The following FGF1 variants were observed in gnomAD, a reference collection of about 807,000 sequenced individuals.
FGF1 encodes the protein fibroblast growth factor 1.
A neutral mutation model predicts 13.4 loss-of-function variants in FGF1; 9 were observed. The observed-to-expected ratio is 0.67, with a 90% CI of 0.40 to 1.17. FGF1 has a LOEUF of 1.17. FGF1 is among the 50% of genes most tolerant of loss of function. FGF1 has a pLI of 0.01. For missense variants in FGF1, 156 were observed against 192.7 expected (o/e 0.81, Z 1.13); for synonymous variants, 93 against 79.0 (o/e 1.18, Z -0.94).
At chr5:142,681,433 A>G (rs1303584104) in intron 1 of FGF1, among the ~76,000 whole-genome samples, 2 of 152,146 alleles carry the variant, frequency 1.3e-5, no homozygotes, top group East Asian at 3.9e-4. Flanking sequence ...CTACCTGGTC[A>G]GAAAAACCTT....
chr5:142,619,588 C>T (rs747764544), intron 1 of FGF1, among the ~76,000 whole-genome samples: 6 of 152,046 alleles, frequency 3.9e-5, no homozygotes, highest in East Asian at 1.9e-4. Context: ...AACTGGTAGG[C>T]GTAAGGGGGA....
At chr5:142,622,968 A>G (rs1206968971) in intron 1 of FGF1, among the ~76,000 whole-genome samples, 1 of 152,266 alleles carries the variant, frequency 6.6e-6, no homozygotes, top group East Asian at 1.9e-4. Flanking sequence ...TGCAGGAGAC[A>G]GCTCCCAGAA....
chr5:142,686,473 A>C (rs1234734566), upstream of FGF1: 2 of 152,140 alleles, frequency 1.3e-5, no homozygotes, highest in African/African-American at 4.8e-5. Flanking sequence ...CTTGGGGCAA[A>C]TGTGTGAGCC....
intron 1 of FGF1, among the ~76,000 whole-genome samples, chr5:142,623,137 C>A (rs1012972018): frequency 6.6e-6 from 1 of 152,152 alleles, no homozygotes; most frequent in African/African-American, 2.4e-5. Flanking sequence ...AGCTGGTTTA[C>A]CCAGCATACT....
intron 1 of FGF1, among the ~76,000 whole-genome samples, chr5:142,656,954 G>C (rs1018527304): frequency 1.3e-5 from 2 of 151,624 alleles, no homozygotes; most frequent in Non-Finnish European, 2.9e-5. Flanking sequence ...TTTCGCTTTT[G>C]TTGCCCAGGC....
In FGF1 at chr5:142,608,497, A is replaced by AATAT. The variant is rs140055415; in HGVS notation, c.169+5458_169+5461dup. On this transcript the variant is annotated intron_variant, in intron 2 of 3. Transcript: ENST00000337706. Reference sequence around the variant, plus strand: ...GGGGAAAATAATTCCAGTGGTAAAAAATATATATATATGCATATACATATA... The same window carrying AATAT: ...GGGGAAAATAATTCCAGTGGTAAAAAATATATATATATATATGCATATACATATA... Among the ~76,000 whole-genome samples, 258 of 145,450 alleles carry AATAT rather than the reference A, an allele frequency of 1.8e-3. 1 individual carries two copies. The highest frequency in any genetic ancestry group is 6.4e-3 in the African/African-American group (255 of 39,818).
At chr5:142,627,568 G>A (rs1762663822) in intron 1 of FGF1, among the ~76,000 whole-genome samples, 3 of 152,228 alleles carry the variant, frequency 2.0e-5, no homozygotes. Context: ...TGTCAACCCT[G>A]TGGAGCTCAT....
chr5:142,597,135 A>T (rs1378119565), intron 3 of FGF1, among the ~76,000 whole-genome samples: 2 of 152,260 alleles, frequency 1.3e-5, no homozygotes, highest in Non-Finnish European at 2.9e-5. Context: ...GGAACTAGGC[A>T]CTGCCATGCA....
At chr5:142,643,296 TACAC>T (rs57043408) in intron 1 of FGF1, among the ~76,000 whole-genome samples, 3 of 149,824 alleles carry the variant, frequency 2.0e-5, no homozygotes, top group African/African-American at 2.4e-5. Flanking sequence ...GACTACAAAT[TACAC>T]ACACACACAC....
chr5:142,693,321 C>T (rs1286092212), intron 2 of FGF1, among the ~76,000 whole-genome samples: 1 of 151,964 alleles, frequency 6.6e-6, no homozygotes, highest in African/African-American at 2.4e-5. Context: ...GACAGAGTCT[C>T]ACTCTGTCGC....
rs183607362 is a variant in FGF1, at chr5:142,664,501, T to A, written c.-35+21456A>T. On this transcript the variant is annotated intron_variant, in intron 1 of 3. Transcript: ENST00000337706. ...ATGGTATGGCGCTTGTAATATTTTA[T>A]CAAGCCTCAGATGCACATATTTTCA... Among the ~76,000 whole-genome samples the A allele has an allele frequency of 8.7e-4, 133 of 152,354 alleles. 1 individual carries two copies. Among genetic ancestry groups the A allele is most frequent in the South Asian group, 1.7e-3 (8 of 4,832 alleles).
intron 1 of FGF1, among the ~76,000 whole-genome samples, chr5:142,657,589 T>G (rs1768396006): frequency 6.6e-6 from 1 of 152,226 alleles, no homozygotes; most frequent in African/African-American, 2.4e-5. Context: ...TTTTACTGAT[T>G]CAGAGATTCC....
intron 1 of FGF1, among the ~76,000 whole-genome samples, chr5:142,633,775 G>A (rs1422480384): frequency 1.3e-5 from 2 of 152,144 alleles, no homozygotes; most frequent in Non-Finnish European, 2.9e-5. Flanking sequence ...AGGTGTCTCA[G>A]CTCCGACCTC....
chr5:142,658,631 C>A (rs527410244), intron 1 of FGF1, among the ~76,000 whole-genome samples: 1 of 152,068 alleles, frequency 6.6e-6, no homozygotes, highest in Non-Finnish European at 1.5e-5. Context: ...CACACACTCA[C>A]GAGTTAAAGG....
chr5:142,653,831 C>T lies in FGF1; in HGVS notation c.-35+32126G>A, dbSNP rs905729604. Among the ~76,000 whole-genome samples the T allele has an allele frequency of 4.6e-5, 7 of 152,294 alleles. No individual in the cohort carries two copies. In the East Asian group the frequency reaches 5.8e-4, roughly 13 times the overall value. Reference sequence around the variant, plus strand: ...ACCTTGGGCCTGGTGCCGTGGCTCACGCCTGTAATCTCAGCACTTTGGGAG... The same window carrying T: ...ACCTTGGGCCTGGTGCCGTGGCTCATGCCTGTAATCTCAGCACTTTGGGAG... On this transcript the variant is annotated intron_variant, in intron 1 of 3. Coordinates refer to ENST00000337706, the MANE Select transcript of FGF1 (RefSeq NM_000800.5).
In FGF1 at chr5:142,693,058, C is replaced by T. The variant is rs551223158; in HGVS notation, c.-35+4564G>A. ...TTCTAAAAAATCTAAAATGTCTGTC[C>T]AGGAAAGAGGAAAAAAACTCTCCTG... On this transcript the variant is annotated intron_variant, in intron 2 of 4. Transcript: ENST00000407758. 2.6e-4 allele frequency among the ~76,000 whole-genome samples: 40 copies of T among 151,412 alleles called. 2 individuals are homozygous for T. Among genetic ancestry groups the T allele is most frequent in the Admixed American group, 2.4e-3 (37 of 15,260 alleles).
At chr5:142,679,477 A>T (rs1287866624) in intron 1 of FGF1, among the ~76,000 whole-genome samples, 1 of 152,002 alleles carries the variant, frequency 6.6e-6, no homozygotes, top group Non-Finnish European at 1.5e-5. Context: ...CTATACCCCC[A>T]TCTAGCCTCT....
chr5:142,673,150 C>T (rs1317516450), intron 1 of FGF1, among the ~76,000 whole-genome samples: 6 of 152,174 alleles, frequency 3.9e-5, no homozygotes, highest in Admixed American at 6.5e-5. Flanking sequence ...TTGGAGAGCA[C>T]GGAAAACTGT....
rs1369712915 is a variant in FGF1, at chr5:142,595,383, G to A, written c.375C>T (p.Gly125=). Residue 125 remains glycine (G), a synonymous_variant, in exon 4 of 4, where the codon GGC becomes GGT. Coordinates refer to ENST00000337706, the MANE Select transcript of FGF1 (RefSeq NM_000800.5). ...GTTTGCAGCTCCCATTCTTCTTGAG[G>A]CCAACAAACCAATTCTTCTCTGCAT... The part of the protein sequence containing the change: ...KKHAEKNWFV[G]LKKNGSCKRG... 1 of 1,614,032 alleles carries A rather than the reference G, an allele frequency of 6.2e-7. No homozygotes were observed. The highest frequency in any genetic ancestry group is 8.5e-7 in the Non-Finnish European group (1 of 1,179,930).
Sources: allele counts gnomAD v4.1 joint callset (sites outside exome capture counted in the v4.1 genomes callset), GRCh38; gene constraint gnomAD v4.1.1; transcripts MANE v1.5; gene names NCBI Gene and HGNC (gene_info 2026-07-23, HGNC 2026-07-21).